DYM: variants seen among roughly 807,000 people sequenced by gnomAD.
The protein encoded by DYM is dymeclin.
Under a neutral mutation model 93.1 loss-of-function variants are expected in DYM, and 78 were observed. The observed-to-expected ratio is 0.84, with a 90% CI of 0.70 to 1.01. DYM has a LOEUF of 1.01. Ranked by LOEUF, DYM falls within the 50% of genes least tolerant of loss-of-function variation. The pLI is 0.00. For missense variants in DYM, 789 were observed against 845.0 expected (o/e 0.93, Z 0.82); for synonymous variants, 321 against 319.7 (o/e 1.00, Z -0.04).
At chr18:49,386,376 G>A (rs2074633155) in intron 3 of DYM, among the ~76,000 whole-genome samples, 4 of 152,124 alleles carry the variant, frequency 2.6e-5, no homozygotes, top group Admixed American at 2.6e-4. Context: ...TTGATAAATA[G>A]TACCTCAGCC....
chr18:49,434,046 TTA>T (rs2080583984), intron 1 of DYM, among the ~76,000 whole-genome samples: 1 of 151,846 alleles, frequency 6.6e-6, no homozygotes, highest in African/African-American at 2.4e-5. Context: ...CCTGTCTCTA[TTA>T]AAAATACAAA....
chr18:49,083,725 A>C (rs1402771609), intron 17 of DYM, among the ~76,000 whole-genome samples: 1 of 152,162 alleles, frequency 6.6e-6, no homozygotes, highest in Admixed American at 6.5e-5. Flanking sequence ...GTCAGTTTTG[A>C]TAATTTGTAT....
intron 16 of DYM, among the ~76,000 whole-genome samples, chr18:49,109,550 G>A (rs979268201): frequency 6.6e-6 from 1 of 152,182 alleles, no homozygotes; most frequent in Admixed American, 6.5e-5. Context: ...TATAGTTCAT[G>A]GATCCTGGAA....
At chr18:49,150,227 G>A (rs1302181546) in intron 15 of DYM, among the ~76,000 whole-genome samples, 1 of 152,200 alleles carries the variant, frequency 6.6e-6, no homozygotes, top group East Asian at 1.9e-4. Context: ...AAACTTAAGA[G>A]AGATCATATC....
intron 15 of DYM, among the ~76,000 whole-genome samples, chr18:49,145,262 T>C (rs2084997867): frequency 6.6e-6 from 1 of 151,308 alleles, no homozygotes; most frequent in East Asian, 1.9e-4. Context: ...TAAAGGTTTC[T>C]ATACAAATGT....
At chr18:49,394,070 C>A (rs1305407194) in intron 2 of DYM, among the ~76,000 whole-genome samples, 6 of 152,094 alleles carry the variant, frequency 3.9e-5, no homozygotes, top group Admixed American at 6.5e-5. Context: ...TTAATGATTG[C>A]ATGATAATGT....
intron 2 of DYM, among the ~76,000 whole-genome samples, chr18:49,400,178 T>C (rs889646004): frequency 6.6e-6 from 1 of 152,046 alleles, no homozygotes; most frequent in Admixed American, 6.5e-5. Flanking sequence ...TGACCTCAGG[T>C]GATCCACCCA....
chr18:49,144,745 G>C (rs902251067), intron 15 of DYM, among the ~76,000 whole-genome samples: 4 of 151,998 alleles, frequency 2.6e-5, no homozygotes, highest in African/African-American at 4.8e-5. Context: ...AAGATCAAAG[G>C]GTTCTTAGTT....
At chr18:49,420,313 G>A (rs893646645) in intron 2 of DYM, among the ~76,000 whole-genome samples, 33 of 151,794 alleles carry the variant, frequency 2.2e-4, no homozygotes, top group Admixed American at 1.2e-3. Flanking sequence ...GATTACAGGC[G>A]CCCGCCACCA....
At chr18:49,458,634 C>T (rs959878847) in intron 1 of DYM, among the ~76,000 whole-genome samples, 4 of 151,974 alleles carry the variant, frequency 2.6e-5, no homozygotes, top group Admixed American at 6.6e-5. Flanking sequence ...CTCAGGAGTT[C>T]GTGACCAGCC....
intron 2 of DYM, among the ~76,000 whole-genome samples, chr18:49,403,660 CT>C (rs2148075363): frequency 6.6e-6 from 1 of 152,126 alleles, no homozygotes; most frequent in South Asian, 2.1e-4. Context: ...TTGCATGATG[CT>C]GAGATTTGGG....
At chr18:49,229,380 A>G (rs757004050) in intron 13 of DYM, among the ~76,000 whole-genome samples, 2 of 152,144 alleles carry the variant, frequency 1.3e-5, no homozygotes, top group Non-Finnish European at 1.5e-5. Flanking sequence ...CTTGCAAAGT[A>G]CTTGTATCCA....
intron 14 of DYM, among the ~76,000 whole-genome samples, chr18:49,174,452 C>T (rs1221172728): frequency 2.0e-5 from 3 of 152,060 alleles, no homozygotes; most frequent in Admixed American, 6.6e-5. Context: ...CCTGGTAATC[C>T]GAGTCTAGAC....
chr18:49,104,203 G>T (rs1200081612), intron 16 of DYM, among the ~76,000 whole-genome samples: 1 of 151,956 alleles, frequency 6.6e-6, no homozygotes, highest in Non-Finnish European at 1.5e-5. Flanking sequence ...TCATGATTTG[G>T]CTCTCTGTTT....
intron 14 of DYM, among the ~76,000 whole-genome samples, chr18:49,203,507 A>G (rs2092271990): frequency 6.8e-6 from 1 of 148,028 alleles, no homozygotes; most frequent in African/African-American, 2.6e-5. Flanking sequence ...GTTCTGCACT[A>G]AGAAAAATTC....
intron 17 of DYM, among the ~76,000 whole-genome samples, chr18:49,064,136 T>C (rs1229145319): frequency 6.6e-6 from 1 of 152,210 alleles, no homozygotes; most frequent in Non-Finnish European, 1.5e-5. Flanking sequence ...GAGTTTACAA[T>C]TTATAAACCT....
intron 17 of DYM, among the ~76,000 whole-genome samples, chr18:49,087,683 G>C (rs987695213): frequency 6.6e-6 from 1 of 152,194 alleles, no homozygotes; most frequent in Non-Finnish European, 1.5e-5. Context: ...AGATCCTTGA[G>C]GAATCGCCAC....
At chr18:49,193,006 T>C (rs2091123719) in intron 14 of DYM, among the ~76,000 whole-genome samples, 1 of 152,154 alleles carries the variant, frequency 6.6e-6, no homozygotes, top group Non-Finnish European at 1.5e-5. Context: ...ATGGTGAATA[T>C]AATTGTTATA....
chr18:49,191,003 G>A (rs1236191173), intron 14 of DYM, among the ~76,000 whole-genome samples: 3 of 151,568 alleles, frequency 2.0e-5, no homozygotes, highest in Non-Finnish European at 2.9e-5. Flanking sequence ...TAGGCTATTA[G>A]TAGTTAAGTT....
Sources: allele counts gnomAD v4.1 joint callset (sites outside exome capture counted in the v4.1 genomes callset), GRCh38; gene constraint gnomAD v4.1.1; transcripts MANE v1.5; gene names NCBI Gene and HGNC (gene_info 2026-07-23, HGNC 2026-07-21).